Variants in SLC2A4RG observed in about 807,000 individuals in gnomAD.
The protein encoded by SLC2A4RG is GLUT4 enhancer factor.
Under a neutral mutation model 35.5 loss-of-function variants are expected in SLC2A4RG, and 23 were observed. The ratio of observed to expected loss-of-function variants is 0.65; its 90% CI spans 0.47 to 0.92. The LOEUF is 0.92. Ranked by LOEUF, SLC2A4RG falls within the 40% of genes least tolerant of loss-of-function variation. The pLI is 0.00. For missense variants in SLC2A4RG, 539 were observed against 525.0 expected (o/e 1.03, Z -0.26); for synonymous variants, 306 against 243.7 (o/e 1.26, Z -2.38).
Position 63,743,243 on chromosome 20 carries a change from T to G in SLC2A4RG, c.*253T>G. 2.7e-6 allele frequency: 1 copy of G among 372,230 alleles called. No homozygotes were observed. 23.1% of individuals were successfully genotyped at this position (372,230 alleles called of 1,614,324 possible). On this transcript the variant is annotated 3_prime_UTR_variant, in exon 8 of 8. Transcript: ENST00000266077. ...AAAGCCAAACCACACCGCTGTCCCC[T>G]TAGCCCCAAGGGCCCTGGGGGCAGC...
intron 2 of SLC2A4RG, 77 bp downstream of exon 2, chr20:63,740,608 C>T (rs1006149382): frequency 5.0e-6 from 6 of 1,207,228 alleles, no homozygotes; most frequent in East Asian, 3.2e-5. Context: ...CCGGCCCCGA[C>T]GGAGGCCAGG....
chr20:63,743,840 CCCA>C lies in SLC2A4RG; in HGVS notation c.*853_*855del, dbSNP rs1363741007. 1 of 152,310 alleles carries C rather than the reference CCCA, an allele frequency of 6.6e-6. No homozygotes were observed. The highest frequency in any genetic ancestry group is 1.5e-5 in the Non-Finnish European group (1 of 68,022). The allele number at this position is 152,310 out of a possible 1,614,324, so 9.4% of individuals were successfully genotyped here. ...AGGCAGGACGGCAGAGCCATGATTT[CCCA>C]CCGAGCGATTACGAGAACCTCTTCC... is the stretch of plus-strand genomic sequence containing the variant. On this transcript the variant is annotated 3_prime_UTR_variant, in exon 8 of 8. Transcript: ENST00000266077.
In SLC2A4RG at chr20:63,742,632, G is replaced by C. The variant is rs754085416; in HGVS notation, c.960+17G>C. 6.3e-7 allele frequency: 1 copy of C among 1,576,874 alleles called. No individual in the cohort carries two copies. Among genetic ancestry groups the C allele is most frequent in the Non-Finnish European group, 8.6e-7 (1 of 1,156,478 alleles). On this transcript the variant is annotated intron_variant, in intron 6 of 7. Transcript: ENST00000266077. ...GTCTACCAGGTGGGTGAGGCCACGG[G>C]TGGCAGCTGGGGCGGGTCTCAGGGC... is the stretch of plus-strand genomic sequence containing the variant.
Position 63,742,246 on chromosome 20 carries a change from G to C in SLC2A4RG, c.680+16G>C. On this transcript the variant is annotated intron_variant, in intron 5 of 7. Coordinates refer to ENST00000266077, the MANE Select transcript of SLC2A4RG (RefSeq NM_020062.4). ...TGCACCTGGGGTGCGGCGGGGCCTG[G>C]GGTGCGGCGGGGCCTGCGGGTTGGC... The C allele has an allele frequency of 6.3e-7, 1 of 1,583,084 alleles. No individual in the cohort carries two copies. Among genetic ancestry groups the C allele is most frequent in the East Asian group, 2.3e-5 (1 of 43,446 alleles).
chr20:63,741,132 G>GCCAAGCC, intron 2 of SLC2A4RG: 1 of 557,118 alleles, frequency 1.8e-6, no homozygotes, highest in South Asian at 2.0e-5. Context: ...CCACAGTGGA[G>GCCAAGCC]CCAAGCCCGC....
Position 63,741,278 on chromosome 20 carries a change from T to C in SLC2A4RG, c.282-92T>C. 7 of 1,133,462 alleles carry C rather than the reference T, an allele frequency of 6.2e-6. No homozygotes were observed. In the South Asian group the frequency reaches 8.9e-5, roughly 14 times the overall value. 70.2% of individuals were successfully genotyped at this position (1,133,462 alleles called of 1,614,324 possible). A position where few individuals can be genotyped will look rare whatever the true frequency, so the allele number is the denominator to read the frequency against. ...AGGGCTGGGAGTGGGGAGCCTGGTG[T>C]GCACGCGTGCCCAGGCCTGCACGTG... On this transcript the variant is annotated intron_variant, in intron 2 of 7. Coordinates refer to ENST00000266077, the MANE Select transcript of SLC2A4RG (RefSeq NM_020062.4).
intron 2 of SLC2A4RG, 24 bp from the exon 3 acceptor site, chr20:63,741,346 G>T (rs773319598): frequency 1.2e-6 from 2 of 1,605,802 alleles, no homozygotes; most frequent in Non-Finnish European, 8.5e-7. Flanking sequence ...TGGGTCACCC[G>T]CACCCCGCCC....
Position 63,740,469 on chromosome 20 carries a change from G to T in SLC2A4RG, c.219G>T (p.Thr73=). The stretch of plus-strand genomic sequence containing the variant: ...CCTCGGACCTGGGGGCCCCCCGGAC[G>T]TGGACGGGGGCGGCGGCGGGGCCCC... ...PRASDLGAPR[T]WTGAAAGPRT... Residue 73 remains threonine (T), a synonymous_variant, in exon 2 of 8, where the codon ACG becomes ACT. Coordinates refer to ENST00000266077, the MANE Select transcript of SLC2A4RG (RefSeq NM_020062.4). 1 of 1,229,978 alleles carries T rather than the reference G, an allele frequency of 8.1e-7. No individual in the cohort carries two copies. The highest frequency in any genetic ancestry group is 1.0e-6 in the Non-Finnish European group (1 of 986,096). The allele number at this position is 1,229,978 out of a possible 1,614,324, so 76.2% of individuals were successfully genotyped here.
In SLC2A4RG at chr20:63,739,900, C is replaced by G. The variant is rs2092032983; in HGVS notation, c.-13C>G. 3.1e-6 allele frequency: 3 copies of G among 977,388 alleles called. No homozygotes were observed. The South Asian group carries it at 1.4e-4, about 46-fold the overall frequency. The allele number at this position is 977,388 out of a possible 1,614,324, so 60.5% of individuals were successfully genotyped here. On this transcript the variant is annotated 5_prime_UTR_variant, in exon 1 of 8. Coordinates refer to ENST00000266077, the MANE Select transcript of SLC2A4RG (RefSeq NM_020062.4). ...CCCTCGCCGCTGCAGCCTCGGCGCCCGGCCGGCCGGCCATGGAGCGCCCCC... is the reference window on the plus strand; with the variant it reads ...CCCTCGCCGCTGCAGCCTCGGCGCCGGGCCGGCCGGCCATGGAGCGCCCCC...
In SLC2A4RG at chr20:63,742,587, A is replaced by C. The variant is rs2092049073; in HGVS notation, c.932A>C (p.Gln311Pro). ...GTCCTGAGCACCGTTGCTAACCCCCAGTCCTGTCACAGTGACCGTGTCTAC... is the reference window on the plus strand; with the variant it reads ...GTCCTGAGCACCGTTGCTAACCCCCCGTCCTGTCACAGTGACCGTGTCTAC... ...PPVLSTVANPQSCHSDRVYQG... is the reference protein window; with the variant it reads ...PPVLSTVANPPSCHSDRVYQG... Residue 311 changes from glutamine (Q) to proline (P), a missense_variant, in exon 6 of 8, where the codon CAG becomes CCG. By Grantham distance (76) the Gln-to-Pro change is moderately conservative (BLOSUM62 -1). Transcript: ENST00000266077. The C allele has an allele frequency of 6.3e-7, 1 of 1,577,524 alleles. No homozygotes were observed. The highest frequency in any genetic ancestry group is 8.6e-7 in the Non-Finnish European group (1 of 1,157,952).
rs750337797 is a variant in SLC2A4RG at position 63,742,533 on chromosome 20, C to T, written c.878C>T (p.Pro293Leu). ...CCAGCCCTGCCTAGTCCCCTGCGGC[C>T]GCCTGCCCCGCCCCTGCCCCCGCCC... Reference protein sequence around the residue: ...EPPALPSPLRPPAPPLPPPPV... With the variant: ...EPPALPSPLRLPAPPLPPPPV... The change falls in exon 6 of 8, where the codon CCG becomes CTG. Residue 293 changes from proline to leucine, a missense_variant. Transcript: ENST00000266077. The T allele has an allele frequency of 8.1e-5, 127 of 1,559,588 alleles. No homozygotes were observed. In the East Asian group the frequency reaches 2.2e-3, roughly 28 times the overall value.
rs1356660903 is a variant in SLC2A4RG, at chr20:63,742,184, A to G, written c.634A>G (p.Ser212Gly). The G allele has an allele frequency of 1.2e-6, 2 of 1,603,710 alleles. No homozygotes were observed. The highest frequency in any genetic ancestry group is 1.7e-6 in the Non-Finnish European group (2 of 1,175,692). Residue 212 changes from serine to glycine, a missense_variant, in exon 5 of 8, where the codon AGC becomes GGC. Transcript: ENST00000266077. The stretch of plus-strand genomic sequence containing the variant: ...GTGGAAGAGCTGCGGGAAGGTGCTG[A>G]GCACGGCGTCGGCGATGCAGAGACA... ...CLWKSCGKVL[S>G]TASAMQRHIR...
intron 3 of SLC2A4RG, 56 bp downstream of exon 3, chr20:63,741,535 A>G (rs1349319131): frequency 1.4e-6 from 2 of 1,476,640 alleles, no homozygotes; most frequent in Non-Finnish European, 1.9e-6. Context: ...CTCAGAACCT[A>G]CAGCCACCCA....
rs1335369010 is a variant in SLC2A4RG, at chr20:63,742,744, G to A, written c.1006G>A (p.Gly336Arg). The change falls in exon 7 of 8, where the codon GGA becomes AGA. Residue 336 changes from glycine (G) to arginine (R), a missense_variant. Transcript: ENST00000266077. ...CCTGGAGCCGCAGCCCACGGAGGTC[G>A]GAGCCTGCCCACCCGCCTTGTCCTC... is the stretch of plus-strand genomic sequence containing the variant. Reference protein sequence around the residue: ...ARLEPQPTEVGACPPALSSRI... With the variant: ...ARLEPQPTEVRACPPALSSRI... 3.8e-6 allele frequency: 6 copies of A among 1,595,882 alleles called. No individual in the cohort carries two copies. The highest frequency in any genetic ancestry group is 2.3e-5 in the East Asian group (1 of 44,104).
Position 63,741,932 on chromosome 20 carries a change from G to C in SLC2A4RG, c.455G>C (p.Ser152Thr). The change falls in exon 4 of 8, where the codon AGC becomes ACC. Residue 152 changes from serine to threonine, a missense_variant. Transcript: ENST00000266077. ...CCCCCAGGCAGCTACAGCAGCAGCA[G>C]CAACAGTGGAGACTGGGGATGGGAC... ...VRPPGSYSSS[S>T]NSGDWGWDLA... 1 of 1,612,566 alleles carries C rather than the reference G, an allele frequency of 6.2e-7. No homozygotes were observed. The highest frequency in any genetic ancestry group is 8.5e-7 in the Non-Finnish European group (1 of 1,179,728).
In SLC2A4RG at chr20:63,742,073, C is replaced by T. The variant is rs778499097; in HGVS notation, c.579+17C>T. 17 of 1,611,152 alleles carry T rather than the reference C, an allele frequency of 1.1e-5. No homozygotes were observed. The South Asian group carries it at 1.9e-4, about 18-fold the overall frequency. On this transcript the variant is annotated intron_variant, in intron 4 of 7. Coordinates refer to ENST00000266077, the MANE Select transcript of SLC2A4RG (RefSeq NM_020062.4). ...AAAAGGAAGGTGAGCTTGGGGGCGG[C>T]CCCCAGGGAGGGGCGGGTGTGGCGG...
Position 63,740,469 on chromosome 20 carries a change from G to A in SLC2A4RG, c.219G>A (p.Thr73=), listed in dbSNP as rs1328632589. 2 of 1,229,870 alleles carry A rather than the reference G, an allele frequency of 1.6e-6. No homozygotes were observed. The highest frequency in any genetic ancestry group is 2.0e-6 in the Non-Finnish European group (2 of 986,106). 76.2% of individuals were successfully genotyped at this position (1,229,870 alleles called of 1,614,324 possible). A position where few individuals can be genotyped will look rare whatever the true frequency, so the allele number is the denominator to read the frequency against. Residue 73 remains threonine, a synonymous_variant, in exon 2 of 8, where the codon ACG becomes ACA. Transcript: ENST00000266077. ...PRASDLGAPR[T]WTGAAAGPRT... Reference sequence around the variant, plus strand: ...CCTCGGACCTGGGGGCCCCCCGGACGTGGACGGGGGCGGCGGCGGGGCCCC... The same window carrying A: ...CCTCGGACCTGGGGGCCCCCCGGACATGGACGGGGGCGGCGGCGGGGCCCC...
At chr20:63,740,062 G>C in intron 1 of SLC2A4RG, 24 bp downstream of exon 1, 1 of 955,100 alleles carries the variant, frequency 1.0e-6, no homozygotes, top group Non-Finnish European at 1.2e-6. Flanking sequence ...GTGGGCGGGG[G>C]CGCCGACCAA....
chr20:63,739,778 C>G lies in SLC2A4RG; in HGVS notation c.-135C>G. On this transcript the variant is annotated 5_prime_UTR_variant, in exon 1 of 8. Transcript: ENST00000266077. ...GGGCGGGGCGGGGCGGGCCGGGCAGCCTCCGGGCGGCGCGGCGCGGGCGGC... is the reference window on the plus strand; with the variant it reads ...GGGCGGGGCGGGGCGGGCCGGGCAGGCTCCGGGCGGCGCGGCGCGGGCGGC... 4 of 892,218 alleles carry G rather than the reference C, an allele frequency of 4.5e-6. No homozygotes were observed. Among genetic ancestry groups the G allele is most frequent in the Non-Finnish European group, 5.3e-6 (4 of 750,078 alleles). 55.3% of individuals were successfully genotyped at this position (892,218 alleles called of 1,614,324 possible).
Sources: gnomAD v4.1 joint callset for allele counts on GRCh38, gnomAD v4.1.1 for gene constraint, MANE v1.5 for transcripts, NCBI Gene and HGNC (gene_info 2026-07-23, HGNC 2026-07-21) for gene names.